The following LYPD6B variants were observed in gnomAD, a reference collection of about 807,000 sequenced individuals.
LYPD6B encodes the protein ly6/PLAUR domain-containing protein 6B.
Under a neutral mutation model 22.8 loss-of-function variants are expected in LYPD6B, and 17 were observed. The ratio of observed to expected loss-of-function variants is 0.75; its 90% CI spans 0.51 to 1.12. The LOEUF (loss-of-function observed/expected upper bound fraction) is 1.12, where lower values mean the gene tolerates loss of function less well. LYPD6B is among the 50% of genes most tolerant of loss of function. The pLI is 0.00. For missense variants in LYPD6B, 221 were observed against 258.3 expected, an observed-to-expected ratio of 0.86 and a Z score of 0.99; for synonymous variants, 106 against 91.6, an observed-to-expected ratio of 1.16 and a Z score of -0.90.
At chr2:149,099,945 T>G (rs936007498) in intron 1 of LYPD6B, among the ~76,000 whole-genome samples, 1 of 152,178 alleles carries the variant, frequency 6.6e-6, no homozygotes, top group Non-Finnish European at 1.5e-5. Flanking sequence ...CACAGAGCTG[T>G]TCTGGGCAGC....
At chr2:149,199,842 A>G (rs1424186251) in intron 3 of LYPD6B, among the ~76,000 whole-genome samples, 1 of 152,228 alleles carries the variant, frequency 6.6e-6, no homozygotes, top group African/African-American at 2.4e-5. Flanking sequence ...TTAGGAACTG[A>G]AGCCTCAGTT....
intron 3 of LYPD6B, among the ~76,000 whole-genome samples, chr2:149,166,742 G>A (rs903706742): frequency 1.3e-5 from 2 of 152,088 alleles, no homozygotes. Context: ...GCACTCATGA[G>A]AATTTGCATG....
chr2:149,156,108 G>A (rs534655670), intron 2 of LYPD6B, among the ~76,000 whole-genome samples: 30 of 152,318 alleles, frequency 2.0e-4, no homozygotes, highest in African/African-American at 7.0e-4. Context: ...TCTGGAAACA[G>A]CATCCCAAAG....
chr2:149,058,574 A>G (rs529090932), intron 1 of LYPD6B, among the ~76,000 whole-genome samples: 1 of 152,310 alleles, frequency 6.6e-6, no homozygotes, highest in East Asian at 1.9e-4. Flanking sequence ...ATTTGTGTTT[A>G]TGGAGTCTCA....
chr2:149,051,949 G>T (rs1683582009), intron 1 of LYPD6B, among the ~76,000 whole-genome samples: 1 of 152,004 alleles, frequency 6.6e-6, no homozygotes, highest in Non-Finnish European at 1.5e-5. Flanking sequence ...TTATTTTTAA[G>T]GCTTTGGATA....
At chr2:149,101,963 G>A (rs942085677) in intron 1 of LYPD6B, among the ~76,000 whole-genome samples, 1 of 152,122 alleles carries the variant, frequency 6.6e-6, no homozygotes, top group African/African-American at 2.4e-5. Flanking sequence ...GTACCCCTTT[G>A]TTAAAAAGGG....
intron 5 of LYPD6B, among the ~76,000 whole-genome samples, chr2:149,210,047 T>C (rs1693748167): frequency 6.6e-6 from 1 of 152,166 alleles, no homozygotes; most frequent in Non-Finnish European, 1.5e-5. Flanking sequence ...GCAGCAAGGG[T>C]TAGAACAGTA....
chr2:149,099,479 G>T (rs1014451483), intron 1 of LYPD6B, among the ~76,000 whole-genome samples: 1 of 93,650 alleles, frequency 1.1e-5, no homozygotes, highest in Non-Finnish European at 2.3e-5. Context: ...GTCCCCTCAT[G>T]GTAGGGTCAC....
At chr2:149,134,121 C>T (rs1469406086) in intron 2 of LYPD6B, among the ~76,000 whole-genome samples, 1 of 152,048 alleles carries the variant, frequency 6.6e-6, no homozygotes, top group African/African-American at 2.4e-5. Flanking sequence ...GGACGTACAG[C>T]GGAGACCTGA....
chr2:149,120,383 A>ATAT (rs1327065975), intron 1 of LYPD6B, among the ~76,000 whole-genome samples: 15 of 48,614 alleles, frequency 3.1e-4, no homozygotes, highest in African/African-American at 1.2e-3. Context: ...ATATATATAT[A>ATAT]TTTTTTTTTT....
At chr2:149,120,384 T>TATATATATATATATA (rs55814140) in intron 1 of LYPD6B, among the ~76,000 whole-genome samples, 2 of 33,830 alleles carry the variant, frequency 5.9e-5, no homozygotes, top group East Asian at 2.1e-3. Flanking sequence ...TATATATATA[T>TATATATATATATATA]TTTTTTTTTT....
intron 1 of LYPD6B, among the ~76,000 whole-genome samples, chr2:149,056,051 T>C (rs889376730): frequency 1.3e-5 from 2 of 152,206 alleles, no homozygotes; most frequent in Non-Finnish European, 2.9e-5. Flanking sequence ...TGATTTCTCC[T>C]AGGGAATATT....
At chr2:149,179,098 C>T (rs1177776441) in intron 3 of LYPD6B, among the ~76,000 whole-genome samples, 2 of 152,216 alleles carry the variant, frequency 1.3e-5, no homozygotes, top group Admixed American at 6.5e-5. Context: ...GAGACGAGTG[C>T]ATGCTGGCTG....
intron 1 of LYPD6B, among the ~76,000 whole-genome samples, chr2:149,116,607 C>T (rs776985465): frequency 2.6e-5 from 4 of 152,138 alleles, no homozygotes; most frequent in East Asian, 1.9e-4. Context: ...AAGAATCTCT[C>T]GTGTCCTGGA....
At chr2:149,054,209 C>T (rs1201321707) in intron 1 of LYPD6B, among the ~76,000 whole-genome samples, 1 of 152,170 alleles carries the variant, frequency 6.6e-6, no homozygotes, top group Non-Finnish European at 1.5e-5. Context: ...TTTTACATTC[C>T]CACAAGCAAT....
At chr2:149,196,017 C>T (rs914773521) in intron 3 of LYPD6B, among the ~76,000 whole-genome samples, 1 of 152,200 alleles carries the variant, frequency 6.6e-6, no homozygotes, top group African/African-American at 2.4e-5. Flanking sequence ...TGACTTTACC[C>T]TTGTGGGACC....
chr2:149,201,996 T>C (rs908240306), intron 3 of LYPD6B, among the ~76,000 whole-genome samples: 1 of 152,188 alleles, frequency 6.6e-6, no homozygotes, highest in Non-Finnish European at 1.5e-5. Flanking sequence ...CAGTGCTATT[T>C]TGAAGGATGG....
intron 2 of LYPD6B, among the ~76,000 whole-genome samples, chr2:149,137,036 CAATG>C (rs1466620164): frequency 6.6e-6 from 1 of 152,200 alleles, no homozygotes; most frequent in African/African-American, 2.4e-5. Flanking sequence ...TAGAGAAAGG[CAATG>C]AGTAGTTGTG....
intron 1 of LYPD6B, among the ~76,000 whole-genome samples, chr2:149,115,799 A>G (rs1318748673): frequency 6.6e-6 from 1 of 152,240 alleles, no homozygotes; most frequent in Non-Finnish European, 1.5e-5. Context: ...GGTTTCGATT[A>G]CCTACGGTCA....
Sources: gnomAD v4.1 joint callset for allele counts (sites outside exome capture counted in the v4.1 genomes callset) on GRCh38, gnomAD v4.1.1 for gene constraint, MANE v1.5 for transcripts, NCBI Gene and HGNC (gene_info 2026-07-23, HGNC 2026-07-21) for gene names.